Variants in CCR4 observed in about 807,000 individuals in gnomAD.
CCR4 encodes the protein C-C motif chemokine receptor 4.
A neutral mutation model predicts 17.1 loss-of-function variants in CCR4; 9 were observed. The observed-to-expected ratio is 0.53, with a 90% CI of 0.32 to 0.92. The LOEUF is 0.92. Among genes scored for constraint, CCR4 ranks in the 40% least tolerant of loss-of-function variants. CCR4 has a pLI of 0.04. For missense variants in CCR4, 385 were observed against 433.9 expected, an observed-to-expected ratio of 0.89 and a Z score of 1.00; for synonymous variants, 217 against 174.3, an observed-to-expected ratio of 1.24 and a Z score of -1.93.
intron 1 of CCR4, among the ~76,000 whole-genome samples, chr3:32,952,514 C>A: frequency 6.6e-6 from 1 of 152,244 alleles, no homozygotes; most frequent in East Asian, 1.9e-4. Context: ...CCTCCTCGGC[C>A]TCCCGACGTG....
At chr3:32,952,413 C>T (rs1269207481) in intron 1 of CCR4, among the ~76,000 whole-genome samples, 1 of 152,116 alleles carries the variant, frequency 6.6e-6, no homozygotes, top group Non-Finnish European at 1.5e-5. Flanking sequence ...TACCACCACA[C>T]CCAGCTAACT....
chr3:32,954,578 AAG>A lies in CCR4; in HGVS notation c.*77_*78del, dbSNP rs1695677699. ...AGCTTACTTAAAATTGTATTTTAGT[AAG>A]AGATTCCTGAGCCAGTGTCAGGAGG... On this transcript the variant is annotated 3_prime_UTR_variant, in exon 2 of 2. Transcript: ENST00000330953. 49 of 1,435,266 alleles carry A rather than the reference AAG, an allele frequency of 3.4e-5. No individual in the cohort carries two copies. The highest frequency in any genetic ancestry group is 2.2e-4 in the African/African-American group (15 of 69,730). The allele number at this position is 1,435,266 out of a possible 1,614,324, so 88.9% of individuals were successfully genotyped here.
Position 32,953,491 on chromosome 3 carries a change from A to C in CCR4, c.69A>C (p.Glu23Asp). The C allele has an allele frequency of 6.2e-7, 1 of 1,614,042 alleles. No homozygotes were observed. The highest frequency in any genetic ancestry group is 2.2e-5 in the East Asian group (1 of 44,866). ...TATACAGCAATTACTATCTGTATGAAAGTATCCCCAAGCCTTGCACCAAAG... is the reference window on the plus strand; with the variant it reads ...TATACAGCAATTACTATCTGTATGACAGTATCCCCAAGCCTTGCACCAAAG... Reference protein sequence around the residue: ...ESIYSNYYLYESIPKPCTKEG... With the variant: ...ESIYSNYYLYDSIPKPCTKEG... Residue 23 changes from glutamate (E) to aspartate (D), a missense_variant, in exon 2 of 2, where the codon GAA (glutamate) becomes GAC (aspartate). Transcript: ENST00000330953.
At position 32,955,766 on chromosome 3, in the gene CCR4, T is replaced by G. The variant is rs1213480145; in HGVS notation, c.*1261T>G. On this transcript the variant is annotated 3_prime_UTR_variant, in exon 2 of 2. Coordinates refer to ENST00000330953, the MANE Select transcript of CCR4 (RefSeq NM_005508.5). Reference sequence around the variant, plus strand: ...GTGGGACTACAGGCACCTGCCCCCATGCCTGGCTAATTTTTTGTATTTTCA... The same window carrying G: ...GTGGGACTACAGGCACCTGCCCCCAGGCCTGGCTAATTTTTTGTATTTTCA... 6.3e-6 allele frequency: 1 copy of G among 159,470 alleles called. No individual in the cohort carries two copies. The highest frequency in any genetic ancestry group is 2.0e-4 in the East Asian group (1 of 4,970). 9.9% of individuals were successfully genotyped at this position (159,470 alleles called of 1,614,324 possible). A position where few individuals can be genotyped will look rare whatever the true frequency, so the allele number is the denominator to read the frequency against.
Position 32,954,408 on chromosome 3 carries a change from G to T in CCR4, c.986G>T (p.Cys329Phe), listed in dbSNP as rs200218723. The T allele has an allele frequency of 6.2e-5, 99 of 1,609,500 alleles. No homozygotes were observed. Among genetic ancestry groups the T allele is most frequent in the Non-Finnish European group, 8.1e-5 (96 of 1,178,320 alleles). The change falls in exon 2 of 2, where the codon TGC (cysteine) becomes TTC (phenylalanine). Residue 329 changes from cysteine to phenylalanine, a missense_variant. Coordinates refer to ENST00000330953, the MANE Select transcript of CCR4 (RefSeq NM_005508.5). Reference sequence around the variant, plus strand: ...ACCTGCAGGGGCCTTTTTGTGCTCTGCCAATACTGTGGGCTCCTCCAAATT... The same window carrying T: ...ACCTGCAGGGGCCTTTTTGTGCTCTTCCAATACTGTGGGCTCCTCCAAATT... ...FKTCRGLFVL[C>F]QYCGLLQIYS... is the part of the protein sequence containing the mutation.
At chr3:32,952,342 ACTC>A (rs1318787206) in intron 1 of CCR4, among the ~76,000 whole-genome samples, 2 of 151,386 alleles carry the variant, frequency 1.3e-5, no homozygotes, top group Admixed American at 6.6e-5. Context: ...TGCGCCTTGA[ACTC>A]CTGGGCTCAA....
Position 32,953,908 on chromosome 3 carries a change from G to A in CCR4, c.486G>A (p.Trp162Ter), listed in dbSNP as rs1222155478. Reference protein sequence around the residue: ...TYGVITSLATWSVAVFASLPG... With the variant: ...TYGVITSLAT ...GGGTCATCACCAGTTTGGCTACATG[G>A]TCAGTGGCTGTGTTCGCCTCCCTTC... The change falls in exon 2 of 2, where the codon TGG becomes TGA. Residue 162 changes from tryptophan (W) to a stop codon, truncating the protein, a stop_gained. Coordinates refer to ENST00000330953, the MANE Select transcript of CCR4 (RefSeq NM_005508.5). LOFTEE classifies it high-confidence loss of function. 1 of 1,613,992 alleles carries A rather than the reference G, an allele frequency of 6.2e-7. No individual in the cohort carries two copies. The highest frequency in any genetic ancestry group is 8.5e-7 in the Non-Finnish European group (1 of 1,180,042).
rs61758366 is a variant in CCR4, at chr3:32,953,614, G to A, written c.192G>A (p.Leu64=). The A allele has an allele frequency of 1.2e-6, 2 of 1,613,962 alleles. No homozygotes were observed. The highest frequency in any genetic ancestry group is 2.2e-5 in the South Asian group (2 of 91,066). Residue 64 remains leucine, a synonymous_variant, in exon 2 of 2, where the codon CTG becomes CTA. Transcript: ENST00000330953. Reference sequence around the variant, plus strand: ...GAAATTCTGTGGTGGTTCTGGTCCTGTTCAAATACAAGCGGCTCAGGTCCA... The same window carrying A: ...GAAATTCTGTGGTGGTTCTGGTCCTATTCAAATACAAGCGGCTCAGGTCCA... ...LLGNSVVVLV[L]FKYKRLRSMT...
chr3:32,953,427 A>AC lies in CCR4; in HGVS notation c.9dup (p.Thr4HisfsTer10), dbSNP rs1386189791. The AC allele has an allele frequency of 1.9e-6, 3 of 1,599,028 alleles. No homozygotes were observed. Among genetic ancestry groups the AC allele is most frequent in the East Asian group, 2.2e-5 (1 of 44,784 alleles). On this transcript the variant is annotated frameshift_variant, in exon 2 of 2. Coordinates refer to ENST00000330953, the MANE Select transcript of CCR4 (RefSeq NM_005508.5). LOFTEE classifies it high-confidence loss of function. ...AGGAGCCTGTAGAGTTAAAAAATGA[A>AC]CCCCACGGATATAGCAGACACCACC...
chr3:32,953,104 CACTT>C (rs964907883), intron 1 of CCR4, among the ~76,000 whole-genome samples: 11 of 152,174 alleles, frequency 7.2e-5, no homozygotes, highest in Non-Finnish European at 5.9e-5. Flanking sequence ...TTACGATCCT[CACTT>C]ACAAATGAGA....
intron 1 of CCR4, among the ~76,000 whole-genome samples, chr3:32,951,963 C>G (rs1457389986): frequency 6.6e-6 from 1 of 152,196 alleles, no homozygotes; most frequent in Non-Finnish European, 1.5e-5. Flanking sequence ...CTGCTTCTTG[C>G]TTCTAGCAAG....
intron 1 of CCR4, among the ~76,000 whole-genome samples, chr3:32,952,648 C>T (rs901869994): frequency 2.0e-5 from 3 of 152,046 alleles, no homozygotes; most frequent in Non-Finnish European, 2.9e-5. Flanking sequence ...AATTTACTGA[C>T]GAATGTGAAA....
Position 32,954,110 on chromosome 3 carries a change from C to A in CCR4, c.688C>A (p.Gln230Lys), listed in dbSNP as rs775523821. The A allele has an allele frequency of 6.2e-7, 1 of 1,614,156 alleles. No individual in the cohort carries two copies. The highest frequency in any genetic ancestry group is 2.2e-5 in the East Asian group (1 of 44,874). ...FCYSMIIRTLQHCKNEKKNKA... is the reference protein window; with the variant it reads ...FCYSMIIRTLKHCKNEKKNKA... ...CTACTCCATGATCATCAGGACCTTG[C>A]AGCATTGTAAAAATGAGAAGAAGAA... The change falls in exon 2 of 2, where the codon CAG becomes AAG. Residue 230 changes from glutamine (Q) to lysine (K), a missense_variant. Physicochemically the swap from Gln to Lys is moderately conservative, Grantham distance 53. Transcript: ENST00000330953.
Position 32,954,450 on chromosome 3 carries a change from C to T in CCR4, c.1028C>T (p.Pro343Leu). The change falls in exon 2 of 2, where the codon CCC becomes CTC. Residue 343 changes from proline to leucine, a missense_variant. By Grantham distance (98) the Pro-to-Leu change is moderately conservative. Transcript: ENST00000330953. ...GLLQIYSADTPSSSYTQSTMD... is the reference protein window; with the variant it reads ...GLLQIYSADTLSSSYTQSTMD... ...CTCCAAATTTACTCTGCTGACACCC[C>T]CAGCTCATCTTACACGCAGTCCACC... The T allele has an allele frequency of 6.3e-7, 1 of 1,580,510 alleles. No individual in the cohort carries two copies. The highest frequency in any genetic ancestry group is 8.6e-7 in the Non-Finnish European group (1 of 1,166,918).
rs1575380543 is a variant in CCR4, at chr3:32,953,546, C to T, written c.124C>T (p.Leu42=). 1.2e-6 allele frequency: 2 copies of T among 1,614,136 alleles called. No individual in the cohort carries two copies. Among genetic ancestry groups the T allele is most frequent in the Non-Finnish European group, 1.7e-6 (2 of 1,180,036 alleles). The change falls in exon 2 of 2, where the codon CTG becomes TTG. Residue 42 remains leucine, a synonymous_variant. Transcript: ENST00000330953. ...CATCAAGGCATTTGGGGAGCTCTTC[C>T]TGCCCCCACTGTATTCCTTGGTTTT... ...EGIKAFGELF[L]PPLYSLVFVF...
At chr3:32,951,834 C>G (rs1411400476) in intron 1 of CCR4, 144 bp downstream of exon 1, 1 of 152,460 alleles carries the variant, frequency 6.6e-6, no homozygotes, top group Non-Finnish European at 1.5e-5. Context: ...TGTCCCCACA[C>G]CCTCTGAGCC....
rs146049806 is a variant in CCR4, at chr3:32,953,500, C to G, written c.78C>G (p.Pro26=). The change falls in exon 2 of 2, where the codon CCC becomes CCG. Residue 26 remains proline, a synonymous_variant. Coordinates refer to ENST00000330953, the MANE Select transcript of CCR4 (RefSeq NM_005508.5). ...ATTACTATCTGTATGAAAGTATCCC[C>G]AAGCCTTGCACCAAAGAAGGCATCA... The part of the protein sequence containing the change: ...YSNYYLYESI[P]KPCTKEGIKA... 10 of 1,614,086 alleles carry G rather than the reference C, an allele frequency of 6.2e-6. No homozygotes were observed. The East Asian group carries it at 2.2e-4, about 36-fold the overall frequency.
In CCR4 at chr3:32,953,989, C is replaced by T. The variant is rs748671630; in HGVS notation, c.567C>T (p.Thr189=). ...YTERNHTYCK[T]KYSLNSTTWK... ...AGCGCAACCATACCTACTGCAAAACCAAGTACTCTCTCAACTCCACGACGT... is the reference window on the plus strand; with the variant it reads ...AGCGCAACCATACCTACTGCAAAACTAAGTACTCTCTCAACTCCACGACGT... The change falls in exon 2 of 2, where the codon ACC becomes ACT. Residue 189 remains threonine, a synonymous_variant. Transcript: ENST00000330953. The T allele has an allele frequency of 6.2e-7, 1 of 1,614,122 alleles. No homozygotes were observed. Among genetic ancestry groups the T allele is most frequent in the South Asian group, 1.1e-5 (1 of 91,078 alleles).
In CCR4 at chr3:32,956,029, TC is replaced by T. The variant is rs1447195018; in HGVS notation, c.*1525del. 6.3e-6 allele frequency: 1 copy of T among 158,954 alleles called. No homozygotes were observed. The highest frequency in any genetic ancestry group is 2.4e-5 in the African/African-American group (1 of 41,358). 9.8% of individuals were successfully genotyped at this position (158,954 alleles called of 1,614,324 possible). On this transcript the variant is annotated 3_prime_UTR_variant, in exon 2 of 2. Transcript: ENST00000330953. ...AGTCTGCCTCCCAGGTTCAAGCGAT[TC>T]TCCTGCCTCAGCTTCTCAAGCAGCT...
Sources: allele counts gnomAD v4.1 joint callset (sites outside exome capture counted in the v4.1 genomes callset), GRCh38; gene constraint gnomAD v4.1.1; transcripts MANE v1.5; gene names NCBI Gene and HGNC (gene_info 2026-07-23, HGNC 2026-07-21).